Variants in CUL2 observed in about 807,000 individuals in gnomAD.
CUL2 encodes the protein cullin 2.
A neutral mutation model predicts 110.2 loss-of-function variants in CUL2; 22 were observed. That is an observed-to-expected ratio of 0.20 (90% CI 0.14 to 0.28). The LOEUF (loss-of-function observed/expected upper bound fraction) is 0.28, where lower values mean the gene tolerates loss of function less well. Ranked by LOEUF, CUL2 falls within the 10% of genes least tolerant of loss-of-function variation. The pLI, the probability that CUL2 is intolerant of heterozygous loss-of-function variation, is 1.00. For synonymous variants in CUL2, 279 were observed against 293.2 expected (o/e 0.95, Z 0.49); for missense variants, 631 against 905.5 (o/e 0.70, Z 3.89).
intron 1 of CUL2, among the ~76,000 whole-genome samples, chr10:35,087,167 C>T (rs562918059): frequency 6.6e-6 from 1 of 152,322 alleles, no homozygotes; most frequent in Non-Finnish European, 1.5e-5. Context: ...GTCATCTGGC[C>T]TCAGCTTCCC....
intron 1 of CUL2, among the ~76,000 whole-genome samples, chr10:35,113,971 G>C (rs1027028762): frequency 9.2e-5 from 14 of 151,490 alleles, no homozygotes; most frequent in African/African-American, 3.4e-4. Flanking sequence ...GCAGTGGCAT[G>C]ATCTCAGCTC....
At chr10:35,109,542 G>A (rs573737430) in intron 1 of CUL2, among the ~76,000 whole-genome samples, 9 of 152,322 alleles carry the variant, frequency 5.9e-5, no homozygotes, top group African/African-American at 1.9e-4. Flanking sequence ...AGTGATGGGG[G>A]ATACTACATT....
chr10:35,035,678 A>C (rs2085604005), intron 9 of CUL2, among the ~76,000 whole-genome samples: 1 of 152,176 alleles, frequency 6.6e-6, no homozygotes, highest in African/African-American at 2.4e-5. Context: ...ATGTGGATAT[A>C]ATTTCTTAAC....
intron 1 of CUL2, among the ~76,000 whole-genome samples, chr10:35,085,222 A>T (rs1212102269): frequency 1.3e-5 from 2 of 151,178 alleles, no homozygotes; most frequent in Non-Finnish European, 1.5e-5. Context: ...AGGTCAGGAG[A>T]TTGAGACCAT....
At chr10:35,011,808 C>A in intron 20 of CUL2, 40 bp downstream of exon 20, 2 of 1,047,690 alleles carry the variant, frequency 1.9e-6, no homozygotes, top group Non-Finnish European at 3.0e-6. Flanking sequence ...ATGACAATGC[C>A]CTCTACCCTA....
chr10:35,016,938 A>C (rs570414641), intron 17 of CUL2, among the ~76,000 whole-genome samples: 6 of 151,608 alleles, frequency 4.0e-5, no homozygotes, highest in Admixed American at 6.6e-5. Context: ...AAAAAAAAAA[A>C]AAAACAAAAA....
rs190857343 is a variant in CUL2 at position 35,021,768 on chromosome 10, G to A, written c.1684+3364C>T. 6.5e-3 allele frequency among the ~76,000 whole-genome samples: 967 copies of A among 149,522 alleles called. 6 individuals carry two copies. The highest frequency in any genetic ancestry group is 0.011 in the Non-Finnish European group (742 of 67,494). The stretch of plus-strand genomic sequence containing the variant: ...GCAGAGGCTAATGTGGGCTGTGATC[G>A]CGCACCTCCACTCCAGCTTACGTGA... On this transcript the variant is annotated intron_variant, in intron 17 of 20. Transcript: ENST00000374749.
At chr10:35,092,471 G>A (rs1383658860), upstream of CUL2, among the ~76,000 whole-genome samples, 1 of 152,124 alleles carries the variant, frequency 6.6e-6, no homozygotes, top group African/African-American at 2.4e-5. Flanking sequence ...TTAAATTTTG[G>A]CCCTTGAATA....
At chr10:35,019,878 G>A (rs1370162574) in intron 17 of CUL2, among the ~76,000 whole-genome samples, 1 of 152,100 alleles carries the variant, frequency 6.6e-6, no homozygotes, top group Non-Finnish European at 1.5e-5. Flanking sequence ...CCTGGAACAG[G>A]GTATTCATGC....
Position 35,071,445 on chromosome 10 carries a change from C to G in CUL2, c.-22-106G>C. The stretch of plus-strand genomic sequence containing the variant: ...TTTGAGACGGAGTCTCGCTCTGTCG[C>G]CCAGGCTGGAGTGCAATGGCGTGAT... On this transcript the variant is annotated intron_variant, in intron 1 of 20. Transcript: ENST00000374749. 23 of 994,076 alleles carry G rather than the reference C, an allele frequency of 2.3e-5. No homozygotes were observed. The South Asian group carries it at 3.6e-4, about 16-fold the overall frequency. The allele number at this position is 994,076 out of a possible 1,614,324, so 61.6% of individuals were successfully genotyped here. A position where few individuals can be genotyped will look rare whatever the true frequency, so the allele number is the denominator to read the frequency against.
chr10:35,045,170 C>T (rs745517381), intron 6 of CUL2, among the ~76,000 whole-genome samples: 2 of 152,082 alleles, frequency 1.3e-5, no homozygotes, highest in Non-Finnish European at 2.9e-5. Context: ...AAAGTAGATA[C>T]GAGCCCATCA....
chr10:35,026,994 A>G (rs1377350832), intron 16 of CUL2, among the ~76,000 whole-genome samples: 3 of 152,000 alleles, frequency 2.0e-5, no homozygotes, highest in Non-Finnish European at 2.9e-5. Flanking sequence ...CTCCTCCCAG[A>G]CTAAACTTAT....
intron 2 of CUL2, among the ~76,000 whole-genome samples, chr10:35,066,488 T>C (rs760062913): frequency 2.2e-4 from 33 of 152,066 alleles, no homozygotes; most frequent in Non-Finnish European, 4.4e-4. Context: ...TTAGTAAAGA[T>C]GGGGTTTAAC....
chr10:35,063,119 G>C, intron 2 of CUL2, 57 bp from the exon 3 acceptor site: 1 of 989,856 alleles, frequency 1.0e-6, no homozygotes. Context: ...AACATAATGA[G>C]ATTTACCTTG....
At chr10:35,084,060 T>A (rs1183110963) in intron 1 of CUL2, among the ~76,000 whole-genome samples, 2 of 152,096 alleles carry the variant, frequency 1.3e-5, no homozygotes, top group Admixed American at 6.5e-5. Context: ...GCGGATCTCT[T>A]GAGGTCAGGA....
chr10:35,063,143 A>C (rs2086425767), intron 2 of CUL2, 81 bp from the exon 3 acceptor site: 4 of 827,856 alleles, frequency 4.8e-6, no homozygotes, highest in Non-Finnish European at 7.9e-6. Context: ...GGCATTAAAA[A>C]ATGAAAAAAC....
chr10:35,048,124 G>A (rs1352292602), intron 6 of CUL2, among the ~76,000 whole-genome samples: 3 of 152,102 alleles, frequency 2.0e-5, no homozygotes, highest in Non-Finnish European at 4.4e-5. Flanking sequence ...GAAGATGGAT[G>A]TAAAATTTTT....
chr10:35,018,231 G>A (rs1342404246), intron 17 of CUL2, among the ~76,000 whole-genome samples: 3 of 137,994 alleles, frequency 2.2e-5, no homozygotes, highest in African/African-American at 5.5e-5. Flanking sequence ...AGCTTGCAGT[G>A]AGCCGAGATC....
intron 2 of CUL2, among the ~76,000 whole-genome samples, chr10:35,063,365 G>C (rs369951777): frequency 1.3e-5 from 2 of 152,048 alleles, no homozygotes; most frequent in East Asian, 3.9e-4. Flanking sequence ...AAATTACCCA[G>C]AATCCTACAA....
Sources: allele counts gnomAD v4.1 joint callset (sites outside exome capture counted in the v4.1 genomes callset), GRCh38; gene constraint gnomAD v4.1.1; transcripts MANE v1.5; gene names NCBI Gene and HGNC (gene_info 2026-07-23, HGNC 2026-07-21).